Variants in KCTD1 observed in about 807,000 individuals in gnomAD.
KCTD1 encodes BTB/POZ domain-containing protein KCTD1.
A neutral mutation model predicts 66.0 loss-of-function variants in KCTD1; 24 were observed. That is an observed-to-expected ratio of 0.36 (90% CI 0.26 to 0.51). The LOEUF (loss-of-function observed/expected upper bound fraction) is 0.51, where lower values mean the gene tolerates loss of function less well. KCTD1 is among the 20% of genes least tolerant of loss of function. KCTD1 has a pLI of 0.95. For synonymous variants in KCTD1, 511 were observed against 517.2 expected (o/e 0.99, Z 0.16); for missense variants, 943 against 1,205.2 (o/e 0.78, Z 3.22).
upstream of KCTD1, among the ~76,000 whole-genome samples, chr18:26,634,056 G>A (rs1165155030): frequency 6.6e-6 from 1 of 152,076 alleles, no homozygotes; most frequent in Non-Finnish European, 1.5e-5. Context: ...AAATAATCCA[G>A]ATACAAAAGA....
chr18:26,576,951 T>C (rs1986239046), intron 1 of KCTD1, among the ~76,000 whole-genome samples: 1 of 152,230 alleles, frequency 6.6e-6, no homozygotes, highest in Non-Finnish European at 1.5e-5. Flanking sequence ...AGTAAACACT[T>C]TGTAACCATG....
intron 1 of KCTD1, among the ~76,000 whole-genome samples, chr18:26,621,544 G>A (rs1056025170): frequency 1.3e-5 from 2 of 152,092 alleles, no homozygotes; most frequent in Non-Finnish European, 2.9e-5. Flanking sequence ...GGAGGGAGGG[G>A]AAGGCAGAGG....
At chr18:26,579,480 G>C (rs1325698263) in intron 1 of KCTD1, among the ~76,000 whole-genome samples, 1 of 152,090 alleles carries the variant, frequency 6.6e-6, no homozygotes. Flanking sequence ...TTGTCATCTG[G>C]TGAGTTCCAC....
At chr18:26,549,785 C>A, upstream of KCTD1, 1 of 985,462 alleles carries the variant, frequency 1.0e-6, no homozygotes, top group Non-Finnish European at 1.2e-6. Flanking sequence ...CTCAGGCGCG[C>A]GGGGGCGGGC....
intron 1 of KCTD1, among the ~76,000 whole-genome samples, chr18:26,536,782 T>G (rs1984729016): frequency 6.6e-6 from 1 of 152,172 alleles, no homozygotes; most frequent in African/African-American, 2.4e-5. Flanking sequence ...TGCTTTTCAG[T>G]TTTTCTGAAT....
At chr18:26,461,116 G>A (rs1980399000) in intron 3 of KCTD1, among the ~76,000 whole-genome samples, 2 of 152,246 alleles carry the variant, frequency 1.3e-5, no homozygotes, top group Admixed American at 6.5e-5. Flanking sequence ...GCTAGAGTAT[G>A]AGAAGCACAA....
At chr18:26,504,240 T>A (rs1158017777) in intron 1 of KCTD1, among the ~76,000 whole-genome samples, 1 of 152,040 alleles carries the variant, frequency 6.6e-6, no homozygotes, top group Admixed American at 6.5e-5. Context: ...CAGCTAACTA[T>A]TATTATTATT....
At chr18:26,488,403 A>G (rs938921873) in intron 2 of KCTD1, among the ~76,000 whole-genome samples, 1 of 151,134 alleles carries the variant, frequency 6.6e-6, no homozygotes, top group African/African-American at 2.4e-5. Flanking sequence ...TTTCTTTTAT[A>G]TTGACTGTTT....
intron 2 of KCTD1, among the ~76,000 whole-genome samples, chr18:26,483,026 G>T (rs866156633): frequency 9.9e-5 from 15 of 152,204 alleles, no homozygotes; most frequent in South Asian, 6.2e-4. Context: ...TTTAGGAAAA[G>T]ATTTCATTTA....
upstream of KCTD1, chr18:26,549,910 G>T: frequency 1.6e-6 from 1 of 608,726 alleles, no homozygotes; most frequent in Non-Finnish European, 2.1e-6. Flanking sequence ...CTCCGGGCGC[G>T]TCCTTGCGTC....
intron 1 of KCTD1, among the ~76,000 whole-genome samples, chr18:26,579,151 C>A (rs1986295014): frequency 6.6e-6 from 1 of 152,122 alleles, no homozygotes; most frequent in South Asian, 2.1e-4. Context: ...CTCCACTATA[C>A]CTCCAGCACC....
rs528330779 is a variant in KCTD1, at chr18:26,497,978, A to G, written c.1988+3094T>C. Among the ~76,000 whole-genome samples, 4 of 152,332 alleles carry G rather than the reference A, an allele frequency of 2.6e-5. No homozygotes were observed. In the Middle Eastern group the frequency reaches 0.014, roughly 518 times the overall value. ...AAATGGAAAATATTTGGAATTTGAG[A>G]AGAAACAATTCCTGGGTTTGGCAGA... is the stretch of plus-strand genomic sequence containing the variant. On this transcript the variant is annotated intron_variant, in intron 2 of 4. Coordinates refer to ENST00000580059, the MANE Select transcript of KCTD1 (RefSeq NM_001142730.3).
chr18:26,516,540 T>C (rs1983664467), intron 1 of KCTD1, among the ~76,000 whole-genome samples: 1 of 152,138 alleles, frequency 6.6e-6, no homozygotes, highest in African/African-American at 2.4e-5. Flanking sequence ...TTGGCCCTGA[T>C]GGAATGTTCA....
intron 2 of KCTD1, among the ~76,000 whole-genome samples, chr18:26,489,996 CAG>C (rs1293059415): frequency 6.6e-6 from 1 of 152,102 alleles, no homozygotes; most frequent in Non-Finnish European, 1.5e-5. Flanking sequence ...GATGAAAAAA[CAG>C]AGCAAAAATG....
chr18:26,504,055 T>C (rs74375819), intron 1 of KCTD1, among the ~76,000 whole-genome samples: 2,859 of 152,284 alleles, frequency 0.019, 92 homozygotes, highest in African/African-American at 0.065. Context: ...ATTTTCCATA[T>C]GGGGCAGATT....
chr18:26,465,966 G>C (rs1221218621), intron 3 of KCTD1, among the ~76,000 whole-genome samples: 1 of 152,178 alleles, frequency 6.6e-6, no homozygotes, highest in Non-Finnish European at 1.5e-5. Context: ...GCCGTGGTCT[G>C]GGGCATGTCC....
At chr18:26,495,750 T>C (rs748276302) in intron 2 of KCTD1, among the ~76,000 whole-genome samples, 5 of 152,170 alleles carry the variant, frequency 3.3e-5, no homozygotes, top group Non-Finnish European at 7.3e-5. Flanking sequence ...CTCTAGGTCA[T>C]TGGTTGACAA....
At chr18:26,603,462 C>T (rs1986943815) in intron 1 of KCTD1, among the ~76,000 whole-genome samples, 1 of 150,760 alleles carries the variant, frequency 6.6e-6, no homozygotes, top group Non-Finnish European at 1.5e-5. Flanking sequence ...AAATGTAAGC[C>T]AGGTACTATG....
At chr18:26,491,934 C>G (rs931145717) in intron 2 of KCTD1, among the ~76,000 whole-genome samples, 1 of 152,150 alleles carries the variant, frequency 6.6e-6, no homozygotes, top group African/African-American at 2.4e-5. Flanking sequence ...TGCTCCAGAC[C>G]AATAAAATTG....
Sources: gnomAD v4.1 joint callset for allele counts (sites outside exome capture counted in the v4.1 genomes callset) on GRCh38, gnomAD v4.1.1 for gene constraint, MANE v1.5 for transcripts, NCBI Gene and HGNC (gene_info 2026-07-23, HGNC 2026-07-21) for gene names.